The following CELF4 variants were observed in gnomAD, a reference collection of about 807,000 sequenced individuals.
The protein encoded by CELF4 is CUG-BP- and ETR-3-like factor 4.
A neutral mutation model predicts 59.9 loss-of-function variants in CELF4; 18 were observed. The ratio of observed to expected loss-of-function variants is 0.30; its 90% CI spans 0.21 to 0.45. CELF4 has a LOEUF of 0.45. CELF4 is among the 20% of genes least tolerant of loss of function. The pLI is 1.00. For missense variants in CELF4, 456 were observed against 689.0 expected, an observed-to-expected ratio of 0.66 and a Z score of 3.79; for synonymous variants, 261 against 267.1, an observed-to-expected ratio of 0.98 and a Z score of 0.22.
intron 2 of CELF4, among the ~76,000 whole-genome samples, chr18:37,342,577 A>G (rs1374052172): frequency 6.6e-6 from 1 of 152,148 alleles, no homozygotes; most frequent in Non-Finnish European, 1.5e-5. Flanking sequence ...CCCAGACTGG[A>G]AACAGCTCCA....
chr18:37,488,181 C>G (rs907973660), intron 1 of CELF4, among the ~76,000 whole-genome samples: 1 of 152,174 alleles, frequency 6.6e-6, no homozygotes, highest in Non-Finnish European at 1.5e-5. Flanking sequence ...TCCTCAGAGA[C>G]ACTTCCCTTG....
At chr18:37,412,858 G>A (rs779763881) in intron 2 of CELF4, among the ~76,000 whole-genome samples, 13 of 152,010 alleles carry the variant, frequency 8.6e-5, no homozygotes, top group South Asian at 2.1e-4. Context: ...GCCACTCCCC[G>A]CGCCAATGTG....
Position 37,253,575 on chromosome 18 carries a change from G to T in CELF4, c.*44+192C>A, listed in dbSNP as rs1324718388. 1.3e-5 allele frequency among the ~76,000 whole-genome samples: 2 copies of T among 152,176 alleles called. No homozygotes were observed. The highest frequency in any genetic ancestry group is 2.9e-5 in the Non-Finnish European group (2 of 68,022). ...CTGGTGGCCCTGCCACAGGGAAATGGCCAGGCCCATTTCTGCCGGGGTGAC... is the reference window on the plus strand; with the variant it reads ...CTGGTGGCCCTGCCACAGGGAAATGTCCAGGCCCATTTCTGCCGGGGTGAC... On this transcript the variant is annotated intron_variant, in intron 12 of 12. Transcript: ENST00000420428. This position sits in a 1 kb window ranked among gnomAD's most constrained non-coding sequence, Gnocchi z 4.5.
intron 2 of CELF4, among the ~76,000 whole-genome samples, chr18:37,331,062 A>C (rs1369331440): frequency 6.6e-6 from 1 of 152,140 alleles, no homozygotes; most frequent in Non-Finnish European, 1.5e-5. Flanking sequence ...TGAGGAGGCC[A>C]TCTGATGCTT....
chr18:37,367,296 T>G (rs1603629178), intron 2 of CELF4, among the ~76,000 whole-genome samples: 3 of 145,752 alleles, frequency 2.1e-5, no homozygotes, highest in Admixed American at 6.8e-5. Flanking sequence ...AGAGAGGGGG[T>G]GGGAAGGATG....
chr18:37,431,319 T>C (rs1273059129), intron 2 of CELF4, among the ~76,000 whole-genome samples: 1 of 152,086 alleles, frequency 6.6e-6, no homozygotes, highest in Non-Finnish European at 1.5e-5. Flanking sequence ...CTCCTCATTT[T>C]TGTGTTCTTT....
At chr18:37,548,261 T>A (rs2099982072) in intron 1 of CELF4, among the ~76,000 whole-genome samples, 1 of 152,214 alleles carries the variant, frequency 6.6e-6, no homozygotes, top group Admixed American at 6.5e-5. Context: ...GAGGGAGATG[T>A]AAGAGATGAT....
intron 1 of CELF4, among the ~76,000 whole-genome samples, chr18:37,558,738 G>A (rs893182075): frequency 3.3e-5 from 5 of 151,750 alleles, no homozygotes; most frequent in African/African-American, 9.7e-5. Context: ...TCCCTGCCAC[G>A]CCCTGCTTGG....
chr18:37,307,852 C>T (rs976626057), intron 3 of CELF4, among the ~76,000 whole-genome samples: 2 of 152,092 alleles, frequency 1.3e-5, no homozygotes, highest in Non-Finnish European at 2.9e-5. Context: ...GCTGGGAAGG[C>T]CAGTAGGGAC....
chr18:37,303,970 G>A (rs900302774), intron 3 of CELF4, among the ~76,000 whole-genome samples: 6 of 152,362 alleles, frequency 3.9e-5, no homozygotes, highest in East Asian at 1.9e-4. Context: ...CCCATGGTAA[G>A]TGCCAGACAC....
chr18:37,403,875 C>T (rs1041073427), intron 2 of CELF4, among the ~76,000 whole-genome samples: 3 of 152,154 alleles, frequency 2.0e-5, no homozygotes, highest in Non-Finnish European at 4.4e-5. Context: ...CACAGACTCC[C>T]CTGGATTTAG....
intron 2 of CELF4, among the ~76,000 whole-genome samples, chr18:37,484,820 A>C (rs1697906284): frequency 6.6e-6 from 1 of 152,108 alleles, no homozygotes; most frequent in Admixed American, 6.5e-5. Context: ...ATATTTAGAA[A>C]ATCTTTAAAT....
At chr18:37,275,273 G>A (rs200005355) in intron 3 of CELF4, 30 bp from the exon 4 acceptor site, 4 of 1,612,314 alleles carry the variant, frequency 2.5e-6, no homozygotes, top group Non-Finnish European at 3.4e-6. Context: ...TGCTTACCCG[G>A]GCCAGGGACC....
intron 2 of CELF4, among the ~76,000 whole-genome samples, chr18:37,481,771 G>A (rs2099867963): frequency 6.6e-6 from 1 of 152,150 alleles, no homozygotes; most frequent in Non-Finnish European, 1.5e-5. Context: ...GCACTCCATG[G>A]TCATCCTGGT....
chr18:37,458,559 G>A (rs1032214824), intron 2 of CELF4, among the ~76,000 whole-genome samples: 1 of 152,236 alleles, frequency 6.6e-6, no homozygotes, highest in South Asian at 2.1e-4. Flanking sequence ...ACAGTTTGCA[G>A]TATCTCTGTT....
At chr18:37,526,311 G>A (rs1449833995) in intron 1 of CELF4, among the ~76,000 whole-genome samples, 1 of 152,178 alleles carries the variant, frequency 6.6e-6, no homozygotes, top group Non-Finnish European at 1.5e-5. Context: ...CTGTGAGTAA[G>A]CATGTCAATG....
At chr18:37,321,981 G>T in intron 2 of CELF4, 100 bp from the exon 3 acceptor site, 1 of 851,968 alleles carries the variant, frequency 1.2e-6, no homozygotes, top group Non-Finnish European at 1.8e-6. Flanking sequence ...TATACAGACT[G>T]CACCCACAGA....
intron 1 of CELF4, among the ~76,000 whole-genome samples, chr18:37,545,685 C>CTGCTCA (rs1453994881): frequency 1.1e-4 from 17 of 152,066 alleles, no homozygotes; most frequent in Non-Finnish European, 1.5e-4. Context: ...GGCAGTGGGG[C>CTGCTCA]AGGGGCCTCT....
chr18:37,353,385 C>A (rs564819421), intron 2 of CELF4, among the ~76,000 whole-genome samples: 1 of 151,552 alleles, frequency 6.6e-6, no homozygotes, highest in South Asian at 2.1e-4. Context: ...GGGGCTGGCC[C>A]CTGTGGAAGG....
Sources: gnomAD v4.1 joint callset for allele counts (sites outside exome capture counted in the v4.1 genomes callset) on GRCh38, gnomAD v4.1.1 for gene constraint, Gnocchi (gnomAD v3.1) non-coding constraint, MANE v1.5 for transcripts, NCBI Gene and HGNC (gene_info 2026-07-23, HGNC 2026-07-21) for gene names.